The following SEC11A variants were observed in gnomAD, a reference collection of about 807,000 sequenced individuals.
SEC11A encodes SEC11 homolog A, signal peptidase complex subunit.
A neutral mutation model predicts 25.6 loss-of-function variants in SEC11A; 14 were observed. That is an observed-to-expected ratio of 0.55 (90% confidence interval 0.36 to 0.85). The LOEUF is 0.85. Ranked by LOEUF, SEC11A falls within the 40% of genes least tolerant of loss-of-function variation. SEC11A has a pLI of 0.01. For missense variants in SEC11A, 153 were observed against 222.9 expected (o/e 0.69, Z 2.00); for synonymous variants, 83 against 76.4 (o/e 1.09, Z -0.45).
At chr15:84,685,484 G>C (rs1207276551) in intron 3 of SEC11A, among the ~76,000 whole-genome samples, 4 of 150,958 alleles carry the variant, frequency 2.6e-5, no homozygotes, top group African/African-American at 4.9e-5. Context: ...TAGACGCCCA[G>C]GCTGGTCTAG....
chr15:84,693,189 C>A (rs1226929477), intron 1 of SEC11A, among the ~76,000 whole-genome samples: 4 of 152,064 alleles, frequency 2.6e-5, no homozygotes, highest in Non-Finnish European at 5.9e-5. Flanking sequence ...AATCCAATGT[C>A]ATTCAATGTC....
intron 1 of SEC11A, among the ~76,000 whole-genome samples, chr15:84,700,559 A>C (rs1897899688): frequency 7.7e-6 from 1 of 129,324 alleles, no homozygotes; most frequent in Non-Finnish European, 1.6e-5. Flanking sequence ...ACACCACTGC[A>C]TTCGAGCCTG....
At chr15:84,676,976 A>G (rs1251646752) in intron 4 of SEC11A, among the ~76,000 whole-genome samples, 1 of 151,896 alleles carries the variant, frequency 6.6e-6, no homozygotes, top group Non-Finnish European at 1.5e-5. Flanking sequence ...CTGTGATCCT[A>G]GCTACTGAGA....
At chr15:84,692,614 G>T (rs1187174306) in intron 1 of SEC11A, among the ~76,000 whole-genome samples, 1 of 152,030 alleles carries the variant, frequency 6.6e-6, no homozygotes, top group Non-Finnish European at 1.5e-5. Flanking sequence ...CGTGGAAAAA[G>T]GCAAAAAATA....
At chr15:84,679,972 G>A (rs1253741287) in intron 4 of SEC11A, 1 of 1,522,528 alleles carries the variant, frequency 6.6e-7, no homozygotes, top group Non-Finnish European at 8.8e-7. Context: ...GATAAAATCT[G>A]AAACAAACAG....
intron 4 of SEC11A, among the ~76,000 whole-genome samples, chr15:84,677,475 C>CTTTTTT (rs1171786400): frequency 2.3e-5 from 3 of 131,420 alleles, no homozygotes; most frequent in Non-Finnish European, 3.3e-5. Flanking sequence ...TTTTCTTTTT[C>CTTTTTT]TTTTTTTTTT....
intron 1 of SEC11A, among the ~76,000 whole-genome samples, chr15:84,711,957 T>A (rs1349316430): frequency 2.6e-5 from 4 of 152,060 alleles, no homozygotes; most frequent in Non-Finnish European, 5.9e-5. Context: ...TTTAAACAAC[T>A]TGGCTGGGTG....
intron 1 of SEC11A, among the ~76,000 whole-genome samples, chr15:84,711,726 G>A (rs1400022134): frequency 7.0e-6 from 1 of 143,554 alleles, no homozygotes; most frequent in East Asian, 2.1e-4. Context: ...GCGGTGAGCC[G>A]AGATCACGTC....
At chr15:84,690,509 C>T (rs1596075619) in intron 2 of SEC11A, among the ~76,000 whole-genome samples, 1 of 152,234 alleles carries the variant, frequency 6.6e-6, no homozygotes, top group East Asian at 1.9e-4. Flanking sequence ...CCCACCTGCT[C>T]AGGAGGCTAA....
intron 1 of SEC11A, among the ~76,000 whole-genome samples, chr15:84,707,435 C>T (rs1228944328): frequency 1.3e-5 from 2 of 152,084 alleles, no homozygotes; most frequent in East Asian, 3.9e-4. Flanking sequence ...CCACCCACCT[C>T]GGCCTCCCAA....
intron 1 of SEC11A, among the ~76,000 whole-genome samples, chr15:84,697,065 A>G (rs1425208485): frequency 6.6e-6 from 1 of 150,696 alleles, no homozygotes; most frequent in African/African-American, 2.4e-5. Context: ...AAAAAGTGCC[A>G]GCCAAGGCAA....
chr15:84,669,981 A>C lies in SEC11A; in HGVS notation c.*38T>G. On this transcript the variant is annotated 3_prime_UTR_variant, in exon 6 of 6. Coordinates refer to ENST00000268220, the MANE Select transcript of SEC11A (RefSeq NM_014300.4). ...TCTACTCCAAACATCCAGTAACGAA[A>C]ACTATGGCATCTTCCCAGGAACAGC... The C allele has an allele frequency of 6.2e-7, 1 of 1,613,296 alleles. No homozygotes were observed. The highest frequency in any genetic ancestry group is 8.5e-7 in the Non-Finnish European group (1 of 1,179,638).
intron 4 of SEC11A, among the ~76,000 whole-genome samples, chr15:84,677,729 G>T (rs747847090): frequency 6.6e-6 from 1 of 151,992 alleles, no homozygotes; most frequent in Admixed American, 6.6e-5. Flanking sequence ...CGCCTCAGCC[G>T]CCCAAAGTGC....
At chr15:84,686,486 C>T (rs1258765841) in intron 3 of SEC11A, 1 of 152,296 alleles carries the variant, frequency 6.6e-6, no homozygotes, top group Non-Finnish European at 1.5e-5. Context: ...TGGCACATGC[C>T]TGTAATCCCA....
intron 4 of SEC11A, among the ~76,000 whole-genome samples, chr15:84,680,215 C>T (rs1012355946): frequency 1.5e-4 from 23 of 150,968 alleles, no homozygotes; most frequent in African/African-American, 5.6e-4. Context: ...GCAGGAGAAT[C>T]GCTTGAACTC....
At chr15:84,715,305 T>A (rs1047251277) in intron 1 of SEC11A, among the ~76,000 whole-genome samples, 2 of 152,136 alleles carry the variant, frequency 1.3e-5, no homozygotes, top group Non-Finnish European at 2.9e-5. Flanking sequence ...AAGGACTAAA[T>A]AATTACAACA....
intron 1 of SEC11A, among the ~76,000 whole-genome samples, chr15:84,715,650 T>C (rs554591030): frequency 6.6e-6 from 1 of 152,248 alleles, no homozygotes; most frequent in South Asian, 2.1e-4. Flanking sequence ...ACCTCGTCTC[T>C]CCCGAAACCA....
chr15:84,678,381 A>G (rs1265714507), intron 4 of SEC11A, among the ~76,000 whole-genome samples: 1 of 152,220 alleles, frequency 6.6e-6, no homozygotes, highest in Non-Finnish European at 1.5e-5. Context: ...TTTACTCTGA[A>G]GAATGATTGG....
chr15:84,678,605 A>C (rs1897201592), intron 4 of SEC11A, among the ~76,000 whole-genome samples: 2 of 152,224 alleles, frequency 1.3e-5, no homozygotes, highest in African/African-American at 2.4e-5. Context: ...TGATTTGTAA[A>C]TACGCTAGTA....
Sources: allele counts gnomAD v4.1 joint callset (sites outside exome capture counted in the v4.1 genomes callset), GRCh38; gene constraint gnomAD v4.1.1; transcripts MANE v1.5; gene names NCBI Gene and HGNC (gene_info 2026-07-23, HGNC 2026-07-21).